The following GRHL2 variants were observed in gnomAD, a reference collection of about 807,000 sequenced individuals.
GRHL2 encodes grainyhead like transcription factor 2, also known as grainyhead-like protein 2 homolog.
In GRHL2, 21 loss-of-function variants were observed where a neutral mutation model predicts 83.8. The ratio of observed to expected loss-of-function variants is 0.25; its 90% CI spans 0.18 to 0.36. The LOEUF is 0.36. GRHL2 is among the 10% of genes least tolerant of loss of function. GRHL2 has a pLI of 1.00. For missense variants in GRHL2, 623 were observed against 781.8 expected (o/e 0.80, Z 2.42); for synonymous variants, 280 against 278.9 (o/e 1.00, Z -0.04).
intron 14 of GRHL2, among the ~76,000 whole-genome samples, chr8:101,653,734 T>C (rs1813721953): frequency 8.1e-6 from 1 of 123,168 alleles, no homozygotes; most frequent in Non-Finnish European, 1.6e-5. Context: ...AGTGACTCTG[T>C]CTCAAAAAAA....
At chr8:101,533,201 A>T (rs1192613660) in intron 1 of GRHL2, among the ~76,000 whole-genome samples, 1 of 152,078 alleles carries the variant, frequency 6.6e-6, no homozygotes, top group African/African-American at 2.4e-5. Context: ...TTCAAATTGG[A>T]TTGATGCTTA....
At chr8:101,604,278 G>C (rs1812584414) in intron 8 of GRHL2, among the ~76,000 whole-genome samples, 1 of 152,234 alleles carries the variant, frequency 6.6e-6, no homozygotes, top group East Asian at 1.9e-4. Flanking sequence ...CAAGACCCTA[G>C]TGAGTTATTA....
At chr8:101,519,663 A>T (rs1810643761) in intron 1 of GRHL2, among the ~76,000 whole-genome samples, 1 of 152,106 alleles carries the variant, frequency 6.6e-6, no homozygotes, top group East Asian at 1.9e-4. Context: ...ATAAGCTAAC[A>T]TACAAATGAC....
intron 14 of GRHL2, among the ~76,000 whole-genome samples, chr8:101,663,625 ATAAAT>A (rs1813973252): frequency 7.0e-6 from 1 of 143,382 alleles, no homozygotes; most frequent in African/African-American, 2.6e-5. Flanking sequence ...AAATAAATAA[ATAAAT>A]AAATAAATAA....
chr8:101,509,172 TTTTC>T (rs1489178348), intron 1 of GRHL2, among the ~76,000 whole-genome samples: 4 of 86,568 alleles, frequency 4.6e-5, no homozygotes, highest in Admixed American at 1.1e-4. Context: ...CTTTCTTTCT[TTTTC>T]TTTCTTTCTT....
intron 8 of GRHL2, among the ~76,000 whole-genome samples, chr8:101,604,019 C>CGAAA (rs1391152533): frequency 1.1e-5 from 1 of 91,800 alleles, no homozygotes; most frequent in African/African-American, 4.0e-5. Context: ...TTTTTTTTTG[C>CGAAA]AAAAAAAAAA....
At chr8:101,594,086 AAAAAAAAAAAAAGAG>A (rs1812343287) in intron 7 of GRHL2, among the ~76,000 whole-genome samples, 2 of 140,904 alleles carry the variant, frequency 1.4e-5, no homozygotes, top group African/African-American at 5.5e-5. Context: ...AAAAAAAAAA[AAAAAAAAAAAAAGAG>A]AGAGATAGTG....
At chr8:101,608,732 C>CTG (rs1267837399) in intron 8 of GRHL2, among the ~76,000 whole-genome samples, 2 of 51,210 alleles carry the variant, frequency 3.9e-5, no homozygotes, top group African/African-American at 1.4e-4. Context: ...TCTGCTCACT[C>CTG]TCTCACACAC....
intron 13 of GRHL2, among the ~76,000 whole-genome samples, chr8:101,647,581 G>A (rs1442152189): frequency 6.6e-6 from 1 of 152,024 alleles, no homozygotes; most frequent in Non-Finnish European, 1.5e-5. Flanking sequence ...TAGCCATTAG[G>A]TCATTAGATT....
intron 1 of GRHL2, among the ~76,000 whole-genome samples, chr8:101,527,599 C>A (rs1810834654): frequency 6.6e-6 from 1 of 152,178 alleles, no homozygotes; most frequent in African/African-American, 2.4e-5. Flanking sequence ...GCATACATTT[C>A]ATTTCTGTGA....
chr8:101,524,194 T>C (rs1810754206), intron 1 of GRHL2, among the ~76,000 whole-genome samples: 1 of 152,198 alleles, frequency 6.6e-6, no homozygotes, highest in African/African-American at 2.4e-5. Context: ...TTCACAAAAT[T>C]GTCTTTTTTC....
intron 14 of GRHL2, among the ~76,000 whole-genome samples, chr8:101,652,887 ATTGT>A (rs755063119): frequency 2.0e-5 from 3 of 152,124 alleles, no homozygotes; most frequent in East Asian, 1.9e-4. Context: ...TTACTAAATC[ATTGT>A]TTGGGTAGAA....
intron 8 of GRHL2, among the ~76,000 whole-genome samples, chr8:101,607,830 A>G (rs185970031): frequency 2.6e-5 from 4 of 152,292 alleles, no homozygotes; most frequent in Non-Finnish European, 5.9e-5. Context: ...CCAGTTTTAT[A>G]AGGTAATGGA....
At chr8:101,518,022 A>C (rs1586412724) in intron 1 of GRHL2, among the ~76,000 whole-genome samples, 1 of 152,132 alleles carries the variant, frequency 6.6e-6, no homozygotes. Context: ...GAAGTTCTAG[A>C]GCTTTCAGGC....
chr8:101,555,422 C>T (rs958275139), intron 3 of GRHL2, among the ~76,000 whole-genome samples: 5 of 152,136 alleles, frequency 3.3e-5, no homozygotes, highest in South Asian at 2.1e-4. Flanking sequence ...AACCCAGTCA[C>T]GGTGGTCTCG....
chr8:101,558,782 C>A lies in GRHL2; in HGVS notation c.648C>A (p.Tyr216Ter). The A allele has an allele frequency of 6.2e-7, 1 of 1,614,138 alleles. No individual in the cohort carries two copies. The highest frequency in any genetic ancestry group is 8.5e-7 in the Non-Finnish European group (1 of 1,180,018). ...DDQRSTPDST[Y>*]SESFKDAATE... ...AGCGCAGCACTCCGGACAGCACATA[C>A]AGCGAGAGCTTCAAGGACGCAGCCA... Residue 216 changes from tyrosine to a stop codon, truncating the protein, a stop_gained, in exon 4 of 16, where the codon TAC becomes TAA. Transcript: ENST00000646743. LOFTEE classifies it high-confidence loss of function.
chr8:101,593,504 G>A (rs760396176), intron 7 of GRHL2, among the ~76,000 whole-genome samples: 1 of 152,002 alleles, frequency 6.6e-6, no homozygotes, highest in African/African-American at 2.4e-5. Flanking sequence ...CGTTTAAAGC[G>A]GGGTGATTAT....
chr8:101,636,881 T>C lies in GRHL2; in HGVS notation c.1486-16T>C, dbSNP rs202054145. 2 of 1,612,232 alleles carry C rather than the reference T, an allele frequency of 1.2e-6. No individual in the cohort carries two copies. The highest frequency in any genetic ancestry group is 2.2e-5 in the East Asian group (1 of 44,882). On this transcript the variant is annotated splice_polypyrimidine_tract_variant and intron_variant, in intron 11 of 15. Coordinates refer to ENST00000646743, the MANE Select transcript of GRHL2 (RefSeq NM_024915.4). ...TTGTCTCTGACCTACAGTAAGCCTA[T>C]TGTTTTGTTCCACAGGTGTATTACA...
At chr8:101,663,428 A>G (rs567179576) in intron 14 of GRHL2, among the ~76,000 whole-genome samples, 1 of 152,204 alleles carries the variant, frequency 6.6e-6, no homozygotes, top group Non-Finnish European at 1.5e-5. Flanking sequence ...CCTGGCCAAC[A>G]TGATGAAACC....
Sources: allele counts gnomAD v4.1 joint callset (sites outside exome capture counted in the v4.1 genomes callset), GRCh38; gene constraint gnomAD v4.1.1; transcripts MANE v1.5; gene names NCBI Gene and HGNC (gene_info 2026-07-23, HGNC 2026-07-21).